Variants in ENG observed in about 807,000 individuals in gnomAD.
ENG encodes the protein endoglin, also known as CD105 antigen.
In ENG, 17 loss-of-function variants were observed where a neutral mutation model predicts 71.0. That is an observed-to-expected ratio of 0.24 (90% CI 0.16 to 0.36). The LOEUF (loss-of-function observed/expected upper bound fraction) is 0.36. ENG is among the 10% of genes least tolerant of loss of function. The pLI is 1.00. For missense variants in ENG, 749 were observed against 868.3 expected (o/e 0.86, Z 1.73); for synonymous variants, 360 against 366.9 (o/e 0.98, Z 0.21).
At chr9:127,854,210 G>T in intron 1 of ENG, 79 bp downstream of exon 1, 1 of 1,454,134 alleles carries the variant, frequency 6.9e-7, no homozygotes, top group Non-Finnish European at 9.4e-7. Flanking sequence ...CAGGATACAG[G>T]AAGGAGGCCG....
chr9:127,817,307 A>G, intron 12 of ENG, 104 bp from the exon 13 acceptor site: 2 of 1,192,382 alleles, frequency 1.7e-6, no homozygotes, highest in Middle Eastern at 1.9e-4. Context: ...TTGGCTTTGA[A>G]TCCCATCTCC....
intron 12 of ENG, among the ~76,000 whole-genome samples, chr9:127,817,574 C>T (rs1830357093): frequency 6.6e-6 from 1 of 152,112 alleles, no homozygotes; most frequent in Non-Finnish European, 1.5e-5. Context: ...GAAGGCTTCC[C>T]TAGCTTCCTA....
At chr9:127,825,463 G>C (rs1168495591) in intron 5 of ENG, 106 bp from the exon 6 acceptor site, 11 of 1,553,616 alleles carry the variant, frequency 7.1e-6, no homozygotes, top group Admixed American at 1.7e-5. Flanking sequence ...GGCCAGGTGT[G>C]GGTTTATGGG....
intron 2 of ENG, among the ~76,000 whole-genome samples, chr9:127,831,985 A>G (rs1406497060): frequency 6.7e-6 from 1 of 150,190 alleles, no homozygotes; most frequent in Non-Finnish European, 1.5e-5. Flanking sequence ...ATCATGGCTC[A>G]CTGCAGCCTC....
At chr9:127,830,251 AGAATTGCTT>A (rs1009207030) in intron 2 of ENG, among the ~76,000 whole-genome samples, 2 of 151,178 alleles carry the variant, frequency 1.3e-5, no homozygotes, top group Non-Finnish European at 2.9e-5. Flanking sequence ...CTGAGACACA[AGAATTGCTT>A]GAACCCTGGG....
intron 2 of ENG, among the ~76,000 whole-genome samples, 199 bp downstream of exon 2, chr9:127,842,895 G>T (rs547795411): frequency 6.6e-6 from 1 of 152,222 alleles, no homozygotes; most frequent in East Asian, 1.9e-4. Flanking sequence ...GCACCCAAAA[G>T]ACTGCCCTGA....
At chr9:127,853,776 T>TC (rs776984718) in intron 1 of ENG, among the ~76,000 whole-genome samples, 6 of 152,192 alleles carry the variant, frequency 3.9e-5, no homozygotes, top group Non-Finnish European at 8.8e-5. Context: ...ACCACCCACC[T>TC]CCTCAGCAGC....
chr9:127,852,902 T>G (rs1829066230), intron 1 of ENG, among the ~76,000 whole-genome samples: 1 of 152,200 alleles, frequency 6.6e-6, no homozygotes, highest in Non-Finnish European at 1.5e-5. Flanking sequence ...CATGGACCTT[T>G]CTCTAACGAC....
chr9:127,825,528 G>T (rs1830589592), intron 5 of ENG, among the ~76,000 whole-genome samples, 167 bp downstream of exon 5: 1 of 151,344 alleles, frequency 6.6e-6, no homozygotes, highest in Non-Finnish European at 1.5e-5. Flanking sequence ...CCCATAGGGG[G>T]CGTAGCCTAG....
chr9:127,817,027 G>A (rs1462079032), intron 13 of ENG, 122 bp downstream of exon 13: 11 of 1,160,524 alleles, frequency 9.5e-6, no homozygotes, highest in African/African-American at 1.5e-5. Context: ...CTTCTGGGCC[G>A]CTTTCTCTGG....
intron 6 of ENG, 30 bp from the exon 7 acceptor site, chr9:127,825,004 G>A: frequency 3.1e-6 from 5 of 1,607,270 alleles, no homozygotes; most frequent in Non-Finnish European, 4.2e-6. Flanking sequence ...CAGAACAGGG[G>A]GCCATGGACA....
intron 13 of ENG, 67 bp from the exon 14 acceptor site, chr9:127,816,120 G>T (rs1830307348): frequency 6.4e-7 from 1 of 1,556,690 alleles, no homozygotes; most frequent in Admixed American, 1.9e-5. Context: ...CTGTTGTGCT[G>T]GCCCATGTGG....
intron 1 of ENG, among the ~76,000 whole-genome samples, chr9:127,845,178 C>T (rs945209672): frequency 2.0e-5 from 3 of 152,190 alleles, no homozygotes; most frequent in Non-Finnish European, 4.4e-5. Context: ...AAGATGGGCG[C>T]GGAGAGACTG....
At position 127,825,263 on chromosome 9, in the gene ENG, G is replaced by C. The variant is rs1830579301; in HGVS notation, c.784C>G (p.Leu262Val). The C allele has an allele frequency of 1.2e-6, 2 of 1,612,726 alleles. No individual in the cohort carries two copies. Among genetic ancestry groups the C allele is most frequent in the Non-Finnish European group, 1.7e-6 (2 of 1,179,748 alleles). ...ILQGPPYVSW[L>V]IDANHNMQIW... is the part of the protein sequence containing the mutation. Reference sequence around the variant, plus strand: ...TGCATGTTGTGGTTGGCGTCGATGAGCCAGGACACGTAGGGGGGACCCTGC... The same window carrying C: ...TGCATGTTGTGGTTGGCGTCGATGACCCAGGACACGTAGGGGGGACCCTGC... Residue 262 changes from leucine (L) to valine (V), a missense_variant, in exon 6 of 15, where the codon CTC (leucine) becomes GTC (valine). Transcript: ENST00000373203.
Position 127,829,824 on chromosome 9 carries a change from G to T in ENG, c.223C>A (p.Pro75Thr), listed in dbSNP as rs376186413. ...TGGAGAGTCAGCTCCAGCTGTGACG[G>T]GCCCTGGGGGACACAGAGGAGAGAC... ...HVLFLEFPTG[P>T]SQLELTLQAS... The change falls in exon 3 of 15, where the codon CCG becomes ACG. Residue 75 changes from proline (P) to threonine (T), a missense_variant. Coordinates refer to ENST00000373203, the MANE Select transcript of ENG (RefSeq NM_001114753.3). 1.2e-5 allele frequency: 19 copies of T among 1,613,968 alleles called. No individual in the cohort carries two copies. The highest frequency in any genetic ancestry group is 1.6e-5 in the Non-Finnish European group (19 of 1,179,994).
At chr9:127,827,764 C>T (rs544536622) in intron 3 of ENG, among the ~76,000 whole-genome samples, 27 of 152,030 alleles carry the variant, frequency 1.8e-4, no homozygotes, top group African/African-American at 6.0e-4. Context: ...CGCCTGTAAA[C>T]CAGCACTTTG....
At chr9:127,830,982 C>T (rs910968834) in intron 2 of ENG, among the ~76,000 whole-genome samples, 1 of 151,978 alleles carries the variant, frequency 6.6e-6, no homozygotes, top group Admixed American at 6.6e-5. Flanking sequence ...TGTCTTGAGA[C>T]GTACCCACTG....
In ENG at chr9:127,829,762, C is replaced by T. The variant is rs1644523483; in HGVS notation, c.285G>A (p.Val95=). 4 of 1,614,138 alleles carry T rather than the reference C, an allele frequency of 2.5e-6. No individual in the cohort carries two copies. The South Asian group carries it at 4.4e-5, about 18-fold the overall frequency. The change falls in exon 3 of 15, where the codon GTG becomes GTA. Residue 95 remains valine, a synonymous_variant. Transcript: ENST00000373203. ...TGCTGTTTACACTGAGGACCAGAAGCACCTCTCGGGGCCAGGTGCCATTTT... is the reference window on the plus strand; with the variant it reads ...TGCTGTTTACACTGAGGACCAGAAGTACCTCTCGGGGCCAGGTGCCATTTT... ...SKQNGTWPRE[V]LLVLSVNSSV... is the part of the protein sequence containing the mutation.
intron 1 of ENG, 41 bp downstream of exon 1, chr9:127,854,248 C>T (rs778752436): frequency 1.2e-5 from 18 of 1,553,164 alleles, no homozygotes; most frequent in East Asian, 2.4e-5. Flanking sequence ...GTCCGTGCAC[C>T]GGAGGCCGAG....
Sources: allele counts gnomAD v4.1 joint callset (sites outside exome capture counted in the v4.1 genomes callset), GRCh38; gene constraint gnomAD v4.1.1; transcripts MANE v1.5; gene names NCBI Gene and HGNC (gene_info 2026-07-23, HGNC 2026-07-21).